The following HRH2 variants were observed in gnomAD, a reference collection of about 807,000 sequenced individuals.
The protein encoded by HRH2 is histamine H2 receptor.
In HRH2, 4 loss-of-function variants were observed where a neutral mutation model predicts 20.1. That is an observed-to-expected ratio of 0.20 (90% CI 0.10 to 0.45). The LOEUF is 0.45. Ranked by LOEUF, HRH2 falls within the 20% of genes least tolerant of loss-of-function variation. The pLI, the probability that HRH2 is intolerant of heterozygous loss-of-function variation, is 0.99. For missense variants in HRH2, 250 were observed against 461.6 expected, an observed-to-expected ratio of 0.54 and a Z score of 4.20; for synonymous variants, 197 against 200.7, an observed-to-expected ratio of 0.98 and a Z score of 0.16.
rs765271437 is a variant in HRH2, at chr5:175,683,831, A to G, written c.598A>G (p.Ile200Val). The G allele has an allele frequency of 7.4e-6, 12 of 1,614,168 alleles. No individual in the cohort carries two copies. The South Asian group carries it at 9.9e-5, about 13-fold the overall frequency. ...TFYLPLLIMC[I>V]TYYRIFKVAR... The stretch of plus-strand genomic sequence containing the variant: ...CTACCTCCCGCTACTGATCATGTGC[A>G]TCACCTACTACCGCATCTTCAAGGT... The change falls in exon 2 of 3, where the codon ATC becomes GTC. Residue 200 changes from isoleucine to valine, a missense_variant. Ile to Val is a conservative substitution (Grantham distance 29). Transcript: ENST00000636584.
At chr5:175,690,916 G>A (rs961625667) in intron 2 of HRH2, among the ~76,000 whole-genome samples, 5 of 152,156 alleles carry the variant, frequency 3.3e-5, no homozygotes, top group Non-Finnish European at 2.9e-5. Context: ...TTTATTTTCC[G>A]TCTTTTCTTC....
chr5:175,695,235 G>T (rs1756533676), intron 2 of HRH2, among the ~76,000 whole-genome samples: 1 of 152,138 alleles, frequency 6.6e-6, no homozygotes, highest in South Asian at 2.1e-4. Flanking sequence ...GTTGAGGCTG[G>T]TAGAGTCAGA....
chr5:175,686,288 G>C lies in HRH2; in HGVS notation c.1076+1979G>C, dbSNP rs1227301573. 3 of 152,236 alleles carry C rather than the reference G, an allele frequency of 2.0e-5. No individual in the cohort carries two copies. The East Asian group carries it at 5.8e-4, about 29-fold the overall frequency. The allele number at this position is 152,236 out of a possible 1,614,324, so 9.4% of individuals were successfully genotyped here. A position where few individuals can be genotyped will look rare whatever the true frequency, so the allele number is the denominator to read the frequency against. ...TTAGTCTTGTATATCACTTTGTGCT[G>C]CCGTTACTTGTTTGAGCCCTGGGTT... is the stretch of plus-strand genomic sequence containing the variant. On this transcript the variant is annotated intron_variant, in intron 2 of 2. Transcript: ENST00000636584. This position sits in a 1 kb window ranked among gnomAD's most constrained non-coding sequence, Gnocchi z 4.7.
At position 175,708,061 on chromosome 5, in the gene HRH2, GGACTCACCCTGGACT is replaced by G; in HGVS notation, c.*93_*107del. 5.0e-6 allele frequency: 2 copies of G among 398,620 alleles called. No individual in the cohort carries two copies. The highest frequency in any genetic ancestry group is 7.1e-5 in the East Asian group (2 of 28,056). The allele number at this position is 398,620 out of a possible 1,614,324, so 24.7% of individuals were successfully genotyped here. ...AGGACCCAGTCTCCAAAGCCACCAA[GGACTCACCCTGGACT>G]GAATCTGGGGGCTCCCAGAACACAC... On this transcript the variant is annotated 3_prime_UTR_variant, in exon 3 of 3. Coordinates refer to ENST00000636584, the MANE Select transcript of HRH2 (RefSeq NM_001367711.1).
At chr5:175,696,125 G>C (rs1756567654) in intron 2 of HRH2, among the ~76,000 whole-genome samples, 1 of 152,264 alleles carries the variant, frequency 6.6e-6, no homozygotes, top group Non-Finnish European at 1.5e-5. Context: ...CTGACATTGA[G>C]AATCACCTGT....
At chr5:175,684,796 A>G (rs1381153116) in intron 2 of HRH2, among the ~76,000 whole-genome samples, 1 of 152,104 alleles carries the variant, frequency 6.6e-6, no homozygotes, top group Non-Finnish European at 1.5e-5. Context: ...GCTATGCATC[A>G]GCTCTTACCG....
At chr5:175,672,637 C>A (rs1205383520) in intron 1 of HRH2, among the ~76,000 whole-genome samples, 1 of 152,216 alleles carries the variant, frequency 6.6e-6, no homozygotes, top group East Asian at 1.9e-4. Context: ...GTTTAGCCAA[C>A]TGAGTGTTAA....
chr5:175,658,676 G>A (rs1224503478), intron 1 of HRH2, among the ~76,000 whole-genome samples: 1 of 151,938 alleles, frequency 6.6e-6, no homozygotes, highest in Non-Finnish European at 1.5e-5. Context: ...AAACCAGAAC[G>A]ACCTGCCTTC....
chr5:175,669,132 A>G (rs1409697925), intron 1 of HRH2, among the ~76,000 whole-genome samples: 2 of 152,036 alleles, frequency 1.3e-5, no homozygotes, highest in Non-Finnish European at 2.9e-5. Context: ...GGCCTGAGCC[A>G]CAGCACCTGG....
chr5:175,702,099 C>T (rs1222227356), intron 2 of HRH2, among the ~76,000 whole-genome samples: 1 of 152,084 alleles, frequency 6.6e-6, no homozygotes, highest in African/African-American at 2.4e-5. Flanking sequence ...GCATGGGGGG[C>T]AAGTAAGAGA....
intron 1 of HRH2, among the ~76,000 whole-genome samples, chr5:175,663,091 G>T (rs1403834037): frequency 6.6e-6 from 1 of 152,184 alleles, no homozygotes; most frequent in Non-Finnish European, 1.5e-5. Flanking sequence ...GGTTGTTTCT[G>T]CTTTGGGGCT....
chr5:175,696,763 C>T (rs565952798), intron 2 of HRH2, among the ~76,000 whole-genome samples: 1 of 152,320 alleles, frequency 6.6e-6, no homozygotes, highest in East Asian at 1.9e-4. Flanking sequence ...GGCCCCCTTG[C>T]TGGCTCTTCT....
At chr5:175,690,139 C>T (rs1203764259) in intron 2 of HRH2, among the ~76,000 whole-genome samples, 1 of 152,224 alleles carries the variant, frequency 6.6e-6, no homozygotes, top group African/African-American at 2.4e-5. Flanking sequence ...TCCTGCCCGG[C>T]CTCTATGAGT....
chr5:175,702,549 T>G (rs1435514101), intron 2 of HRH2, among the ~76,000 whole-genome samples: 1 of 133,050 alleles, frequency 7.5e-6, no homozygotes, highest in Non-Finnish European at 1.6e-5. Flanking sequence ...TACCATCTTT[T>G]TTTTTTTTTT....
At chr5:175,669,623 C>T (rs181346531) in intron 1 of HRH2, among the ~76,000 whole-genome samples, 164 of 152,336 alleles carry the variant, frequency 1.1e-3, no homozygotes, top group Middle Eastern at 3.4e-3. Flanking sequence ...CTCGGCCTCC[C>T]GAAGTGCTGG....
At chr5:175,704,008 T>G (rs1040899434) in intron 2 of HRH2, 3 of 152,134 alleles carry the variant, frequency 2.0e-5, no homozygotes, top group Non-Finnish European at 4.4e-5. Context: ...ATTTTAAAAA[T>G]AAATACATAA....
chr5:175,677,824 CAGG>C lies in HRH2; in HGVS notation c.-525-4881_-525-4879del. ...CACACCCTCGAATCCTGATCTGCAG[CAGG>C]AGGTCAGGGACCCTGCGCCACTTTT... On this transcript the variant is annotated intron_variant, in intron 1 of 2. Transcript: ENST00000636584. The surrounding 1 kb of genome is among the most constrained non-coding windows in gnomAD (Gnocchi z 4.2). Among the ~76,000 whole-genome samples the C allele has an allele frequency of 6.6e-6, 1 of 152,316 alleles. No homozygotes were observed. Among genetic ancestry groups the C allele is most frequent in the African/African-American group, 2.4e-5 (1 of 41,572 alleles).
rs948614056 is a variant in HRH2 at position 175,708,744 on chromosome 5, C to G, written c.*773C>G. On this transcript the variant is annotated 3_prime_UTR_variant, in exon 3 of 3. Transcript: ENST00000636584. ...GGAGAGAAGGCAAATATTTCCTTGA[C>G]TCAGCCACCTTCCTCCTAGCAAGGC... is the stretch of plus-strand genomic sequence containing the variant. 2 of 152,248 alleles carry G rather than the reference C, an allele frequency of 1.3e-5. No individual in the cohort carries two copies. The highest frequency in any genetic ancestry group is 4.8e-5 in the African/African-American group (2 of 41,430). 9.4% of individuals were successfully genotyped at this position (152,248 alleles called of 1,614,324 possible).
intron 2 of HRH2, among the ~76,000 whole-genome samples, chr5:175,701,032 G>C (rs1053912656): frequency 1.3e-4 from 20 of 152,338 alleles, no homozygotes; most frequent in Non-Finnish European, 2.6e-4. Context: ...TGGTGGTTCT[G>C]TCTGATCACT....
Sources: allele counts gnomAD v4.1 joint callset (sites outside exome capture counted in the v4.1 genomes callset), GRCh38; gene constraint gnomAD v4.1.1; non-coding constraint Gnocchi (gnomAD v3.1); transcripts MANE v1.5; gene names NCBI Gene and HGNC (gene_info 2026-07-23, HGNC 2026-07-21).